The following LPP variants were observed in gnomAD, a reference collection of about 807,000 sequenced individuals.
The protein encoded by LPP is lipoma-preferred partner.
LPP carries 38 observed loss-of-function variants against 60.4 expected under a neutral mutation model. That is an observed-to-expected ratio of 0.63 (90% confidence interval 0.49 to 0.83). The LOEUF is 0.83. LPP is among the 40% of genes least tolerant of loss of function. The pLI, the probability that LPP is intolerant of heterozygous loss-of-function variation, is 0.00. For synonymous variants in LPP, 328 were observed against 290.8 expected, an observed-to-expected ratio of 1.13 and a Z score of -1.30; for missense variants, 902 against 783.6, an observed-to-expected ratio of 1.15 and a Z score of -1.80.
intron 2 of LPP, among the ~76,000 whole-genome samples, chr3:188,323,836 G>A (rs1463705639): frequency 1.3e-5 from 2 of 152,220 alleles, no homozygotes; most frequent in Non-Finnish European, 2.9e-5. Flanking sequence ...CAGAATGGAA[G>A]TGGAGGTCAT....
chr3:188,641,934 CTGGTTACCGGA>C (rs1198931274), intron 7 of LPP, among the ~76,000 whole-genome samples: 1 of 152,158 alleles, frequency 6.6e-6, no homozygotes, highest in Non-Finnish European at 1.5e-5. Flanking sequence ...TCTCCCGTGG[CTGGTTACCGGA>C]TGGAACGGAC....
chr3:188,842,524 T>C (rs1453876453), intron 9 of LPP, among the ~76,000 whole-genome samples: 1 of 152,204 alleles, frequency 6.6e-6, no homozygotes, highest in African/African-American at 2.4e-5. Flanking sequence ...CTTGATGTGA[T>C]CCCAATTATG....
At chr3:188,346,046 A>G (rs1764251197) in intron 3 of LPP, among the ~76,000 whole-genome samples, 1 of 152,102 alleles carries the variant, frequency 6.6e-6, no homozygotes, top group African/African-American at 2.4e-5. Flanking sequence ...AGATTTGCCC[A>G]AGGACCTGCA....
Position 188,880,143 on chromosome 3 carries a change from GTC to G in LPP, c.*5667_*5668del, listed in dbSNP as rs1769774648. 6.2e-6 allele frequency: 1 copy of G among 160,110 alleles called. No individual in the cohort carries two copies. Among genetic ancestry groups the G allele is most frequent in the Non-Finnish European group, 1.4e-5 (1 of 74,020 alleles). 9.9% of individuals were successfully genotyped at this position (160,110 alleles called of 1,614,324 possible). A position where few individuals can be genotyped will look rare whatever the true frequency, so the allele number is the denominator to read the frequency against. ...CCTCCCAGGTTCACGCCATTCTCCT[GTC>G]TCAGCCTCCCGAGTAGCTGGGACTA... is the stretch of plus-strand genomic sequence containing the variant. On this transcript the variant is annotated 3_prime_UTR_variant, in exon 12 of 12. Transcript: ENST00000617246.
At chr3:188,745,066 T>C (rs9820669) in intron 8 of LPP, among the ~76,000 whole-genome samples, 33,452 of 152,046 alleles carry the variant, frequency 0.22, 4,237 homozygotes, top group Middle Eastern at 0.43. Context: ...TCTAAAGTTT[T>C]TTCTTATCAG....
intron 6 of LPP, among the ~76,000 whole-genome samples, chr3:188,566,345 A>G (rs1832153034): frequency 6.6e-6 from 1 of 151,970 alleles, no homozygotes; most frequent in South Asian, 2.1e-4. Flanking sequence ...TTTTATACAT[A>G]AAATAATATT....
Position 188,774,271 on chromosome 3 carries a change from T to C in LPP, c.1410+13989T>C, listed in dbSNP as rs572214055. Among the ~76,000 whole-genome samples, 6 of 152,264 alleles carry C rather than the reference T, an allele frequency of 3.9e-5. No homozygotes were observed. In the South Asian group the frequency reaches 1.0e-3, roughly 26 times the overall value. ...TTTTGAGATTCCTTGCCTATACCCT[T>C]CCAACTGAAGACAAGCACTTCCTAC... On this transcript the variant is annotated intron_variant, in intron 9 of 11. Coordinates refer to ENST00000617246, the MANE Select transcript of LPP (RefSeq NM_001375462.1).
In LPP at chr3:188,299,678, TA is replaced by T. The variant is rs573543337; in HGVS notation, c.-66-41978del. Among the ~76,000 whole-genome samples, 395 of 152,266 alleles carry T rather than the reference TA, an allele frequency of 2.6e-3. 3 individuals carry two copies. Among genetic ancestry groups the T allele is most frequent in the African/African-American group, 8.9e-3 (368 of 41,558 alleles). ...TTTTTTGATTCTTGGTTCTTGTTTT[TA>T]AAAAAATAGGATGTTGGACCTTGGG... On this transcript the variant is annotated intron_variant, in intron 2 of 11. Transcript: ENST00000617246.
intron 5 of LPP, among the ~76,000 whole-genome samples, chr3:188,490,898 G>A (rs552308012): frequency 6.6e-6 from 1 of 151,516 alleles, no homozygotes; most frequent in Non-Finnish European, 1.5e-5. Flanking sequence ...GGGACCACAG[G>A]CACCCACCAC....
At chr3:188,640,182 G>T (rs1304764149) in intron 7 of LPP, among the ~76,000 whole-genome samples, 3 of 150,506 alleles carry the variant, frequency 2.0e-5, no homozygotes, top group Non-Finnish European at 4.4e-5. Context: ...GGAATACTAT[G>T]CAGCCATAAA....
At chr3:188,720,624 G>A (rs988571828) in intron 8 of LPP, among the ~76,000 whole-genome samples, 3 of 146,102 alleles carry the variant, frequency 2.1e-5, no homozygotes, top group African/African-American at 7.5e-5. Flanking sequence ...AAAAAAAAAA[G>A]GGAAATCACA....
chr3:188,710,878 G>A (rs1025049900), intron 8 of LPP: 4 of 152,072 alleles, frequency 2.6e-5, no homozygotes, highest in African/African-American at 9.7e-5. Context: ...CTACTACTTA[G>A]TAGCTTAGAA....
intron 5 of LPP, among the ~76,000 whole-genome samples, chr3:188,509,694 CTCTCT>C (rs1560497593): frequency 2.4e-5 from 2 of 84,914 alleles, no homozygotes; most frequent in Admixed American, 1.5e-4. Context: ...TCCTCTCTCT[CTCTCT>C]TTTCTTTTTT....
intron 5 of LPP, among the ~76,000 whole-genome samples, chr3:188,521,056 G>A (rs1818721124): frequency 6.6e-6 from 1 of 152,080 alleles, no homozygotes; most frequent in South Asian, 2.1e-4. Context: ...GACTTGGGCA[G>A]GACAACAGTT....
chr3:188,635,583 G>A lies in LPP; in HGVS notation c.1113+25739G>A, dbSNP rs11923560. ...GCCTCTAAGAGGCTCCATTTCTCGT[G>A]TTTTGAGGAGTGGAAATTGTCTCAA... On this transcript the variant is annotated intron_variant, in intron 7 of 11. Transcript: ENST00000617246. Among the ~76,000 whole-genome samples the A allele has an allele frequency of 5.1e-3, 783 of 152,272 alleles. 6 individuals are homozygous for A. Among genetic ancestry groups the A allele is most frequent in the African/African-American group, 0.018 (745 of 41,558 alleles).
chr3:188,457,008 C>T (rs1797878888), intron 4 of LPP, among the ~76,000 whole-genome samples: 1 of 152,074 alleles, frequency 6.6e-6, no homozygotes, highest in Admixed American at 6.5e-5. Context: ...GTATCCAAAG[C>T]AGAAATTTAT....
intron 7 of LPP, among the ~76,000 whole-genome samples, chr3:188,666,847 A>C (rs1855896710): frequency 6.6e-6 from 1 of 152,220 alleles, no homozygotes; most frequent in Non-Finnish European, 1.5e-5. Flanking sequence ...ATACCATCTG[A>C]AATCCTAAAA....
rs916156244 is a variant in LPP, at chr3:188,888,045, C to G, written c.*13566C>G. The G allele has an allele frequency of 9.2e-6, 2 of 216,502 alleles. No homozygotes were observed. The highest frequency in any genetic ancestry group is 4.5e-5 in the African/African-American group (2 of 44,412). The allele number at this position is 216,502 out of a possible 1,614,324, so 13.4% of individuals were successfully genotyped here. A position where few individuals can be genotyped will look rare whatever the true frequency, so the allele number is the denominator to read the frequency against. ...TAAAATTATCATGTGGCTTAATGTG[C>G]CTTAAGTGAAAATTTAAACTTAGAC... is the stretch of plus-strand genomic sequence containing the variant. On this transcript the variant is annotated 3_prime_UTR_variant, in exon 12 of 12. Coordinates refer to ENST00000617246, the MANE Select transcript of LPP (RefSeq NM_001375462.1).
intron 6 of LPP, among the ~76,000 whole-genome samples, chr3:188,598,790 T>C (rs1206563596): frequency 6.6e-6 from 1 of 152,178 alleles, no homozygotes; most frequent in Non-Finnish European, 1.5e-5. Context: ...TTAATAGCTC[T>C]TCATTGCAAG....
Sources: gnomAD v4.1 joint callset for allele counts (sites outside exome capture counted in the v4.1 genomes callset) on GRCh38, gnomAD v4.1.1 for gene constraint, MANE v1.5 for transcripts, NCBI Gene and HGNC (gene_info 2026-07-23, HGNC 2026-07-21) for gene names.